SOS2: variants seen among roughly 807,000 people sequenced by gnomAD.
SOS2 encodes the protein son of sevenless homolog 2.
A neutral mutation model predicts 148.2 loss-of-function variants in SOS2; 65 were observed. The observed-to-expected ratio is 0.44, with a 90% CI of 0.36 to 0.54. The LOEUF (loss-of-function observed/expected upper bound fraction) is 0.54. SOS2 is among the 20% of genes least tolerant of loss of function. The probability of loss-of-function intolerance (pLI) is 0.00; values close to 1 mark genes in which losing one functional copy is unlikely to be tolerated. For missense variants in SOS2, 1,341 were observed against 1,590.2 expected, an observed-to-expected ratio of 0.84 and a Z score of 2.67; for synonymous variants, 539 against 537.1, an observed-to-expected ratio of 1.00 and a Z score of -0.05.
chr14:50,140,087 A>T lies in SOS2; in HGVS notation c.2668-28T>A, dbSNP rs1566823553. The T allele has an allele frequency of 6.7e-6, 7 of 1,042,632 alleles. No homozygotes were observed. The East Asian group carries it at 7.2e-5, about 11-fold the overall frequency. The allele number at this position is 1,042,632 out of a possible 1,614,324, so 64.6% of individuals were successfully genotyped here. On this transcript the variant is annotated intron_variant, in intron 16 of 22. Coordinates refer to ENST00000216373, the MANE Select transcript of SOS2 (RefSeq NM_006939.4). ...TAAAGTATACATAAATTGAGTATAA[A>T]TTTTTTACAATTCAATCATATTTTA... is the stretch of plus-strand genomic sequence containing the variant.
intron 5 of SOS2, among the ~76,000 whole-genome samples, chr14:50,186,688 C>A (rs1424169726): frequency 6.6e-6 from 1 of 151,648 alleles, no homozygotes; most frequent in African/African-American, 2.4e-5. Flanking sequence ...CCCATTCTAT[C>A]CCTCAGGATT....
At chr14:50,196,886 G>A (rs1351060956) in intron 4 of SOS2, among the ~76,000 whole-genome samples, 3 of 151,928 alleles carry the variant, frequency 2.0e-5, no homozygotes, top group Admixed American at 6.6e-5. Flanking sequence ...TTTTTTGTTT[G>A]AGACAGTGTC....
Position 50,152,581 on chromosome 14 carries a change from C to T in SOS2, c.2161+489G>A, listed in dbSNP as rs562164330. Among the ~76,000 whole-genome samples, 3 of 152,212 alleles carry T rather than the reference C, an allele frequency of 2.0e-5. No individual in the cohort carries two copies. In the East Asian group the frequency reaches 5.8e-4, roughly 29 times the overall value. On this transcript the variant is annotated intron_variant, in intron 13 of 22. Coordinates refer to ENST00000216373, the MANE Select transcript of SOS2 (RefSeq NM_006939.4). ...ACTTGAAAAGGCAAAGTTCTGAGAC[C>T]TCAGATGATTGGTCTAAACATATGT...
chr14:50,214,547 G>A (rs1034917180), intron 1 of SOS2, among the ~76,000 whole-genome samples: 2 of 151,930 alleles, frequency 1.3e-5, no homozygotes, highest in African/African-American at 2.4e-5. Flanking sequence ...GGCGTAGTGG[G>A]GTGTCTGTAG....
chr14:50,189,202 A>G (rs1351165315), intron 4 of SOS2, among the ~76,000 whole-genome samples: 2 of 151,610 alleles, frequency 1.3e-5, no homozygotes, highest in Non-Finnish European at 2.9e-5. Flanking sequence ...GGTGGGAAAT[A>G]TTCAAATAAA....
chr14:50,169,845 T>C (rs1344597802), intron 8 of SOS2, among the ~76,000 whole-genome samples: 1 of 152,024 alleles, frequency 6.6e-6, no homozygotes, highest in Non-Finnish European at 1.5e-5. Context: ...GATAATACTT[T>C]TTTGTTCTTT....
intron 5 of SOS2, among the ~76,000 whole-genome samples, chr14:50,184,387 C>T (rs1885841679): frequency 6.6e-6 from 1 of 152,116 alleles, no homozygotes; most frequent in Non-Finnish European, 1.5e-5. Context: ...GTCCCTGGTT[C>T]CTGTCTTAGA....
At chr14:50,127,622 G>A (rs1276878070) in intron 21 of SOS2, among the ~76,000 whole-genome samples, 5 of 152,088 alleles carry the variant, frequency 3.3e-5, no homozygotes, top group Non-Finnish European at 7.4e-5. Context: ...GCTATTGTGA[G>A]GAATAAACTT....
At chr14:50,158,736 T>C in intron 10 of SOS2, 90 bp from the exon 11 acceptor site, 1 of 809,530 alleles carries the variant, frequency 1.2e-6, no homozygotes, top group Non-Finnish European at 2.0e-6. Context: ...TTCCTCCCTT[T>C]TTCTTTTTAC....
intron 6 of SOS2, among the ~76,000 whole-genome samples, chr14:50,181,678 TTA>T (rs1272200215): frequency 1.3e-5 from 2 of 152,096 alleles, no homozygotes; most frequent in African/African-American, 4.8e-5. Flanking sequence ...AAACAGTAAG[TTA>T]TAAAATAGTG....
intron 19 of SOS2, among the ~76,000 whole-genome samples, chr14:50,131,591 G>C (rs1883869265): frequency 6.6e-6 from 1 of 152,040 alleles, no homozygotes; most frequent in African/African-American, 2.4e-5. Flanking sequence ...TCTAGTTTGA[G>C]ATACTAAGAA....
intron 2 of SOS2, among the ~76,000 whole-genome samples, 193 bp downstream of exon 2, chr14:50,204,091 G>GTT (rs374242702): frequency 6.8e-6 from 1 of 146,782 alleles, no homozygotes; most frequent in East Asian, 2.0e-4. Flanking sequence ...GTTGTTCTAA[G>GTT]TTTTTTTTTT....
intron 6 of SOS2, among the ~76,000 whole-genome samples, chr14:50,181,447 C>CAA (rs66495115): frequency 0.021 from 3,061 of 145,954 alleles, 67 homozygotes; most frequent in Non-Finnish European, 0.027. Flanking sequence ...GACTCCATGT[C>CAA]AAAAAAAAAA....
At chr14:50,209,579 C>T (rs1206196083) in intron 1 of SOS2, among the ~76,000 whole-genome samples, 1 of 151,836 alleles carries the variant, frequency 6.6e-6, no homozygotes, top group Non-Finnish European at 1.5e-5. Flanking sequence ...CCAGTCTGGG[C>T]AACACGGTGA....
intron 2 of SOS2, among the ~76,000 whole-genome samples, chr14:50,202,807 A>T (rs1047285785): frequency 1.3e-5 from 2 of 151,928 alleles, no homozygotes; most frequent in Admixed American, 1.3e-4. Context: ...TAATTCCAAG[A>T]ATCCTGGAAA....
intron 8 of SOS2, among the ~76,000 whole-genome samples, chr14:50,164,257 C>T (rs746850195): frequency 5.9e-5 from 9 of 151,922 alleles, no homozygotes; most frequent in Non-Finnish European, 1.0e-4. Flanking sequence ...CCTGACCACA[C>T]GGAGAAACCT....
At chr14:50,135,092 AGAAAGAAAG>A (rs1385171763) in intron 18 of SOS2, among the ~76,000 whole-genome samples, 1 of 85,738 alleles carries the variant, frequency 1.2e-5, no homozygotes, top group African/African-American at 5.5e-5. Context: ...AAAAAAAAAA[AGAAAGAAAG>A]AAAGAAAGAA....
chr14:50,142,025 T>G (rs76955420), intron 16 of SOS2, among the ~76,000 whole-genome samples: 1 of 146,498 alleles, frequency 6.8e-6, no homozygotes, highest in Non-Finnish European at 1.5e-5. Flanking sequence ...TTTTTTTTTT[T>G]GAGATGGAAT....
intron 7 of SOS2, among the ~76,000 whole-genome samples, chr14:50,179,593 G>A (rs1042868058): frequency 6.6e-6 from 1 of 151,872 alleles, no homozygotes; most frequent in Non-Finnish European, 1.5e-5. Context: ...TCAAACACCT[G>A]GGTCCAAGCA....
Sources: allele counts gnomAD v4.1 joint callset (sites outside exome capture counted in the v4.1 genomes callset), GRCh38; gene constraint gnomAD v4.1.1; transcripts MANE v1.5; gene names NCBI Gene and HGNC (gene_info 2026-07-23, HGNC 2026-07-21).